EHBP1: variants seen among roughly 807,000 people sequenced by gnomAD.
EHBP1 encodes the protein EH domain binding protein 1.
EHBP1 carries 55 observed loss-of-function variants against 144.0 expected under a neutral mutation model. The observed-to-expected ratio is 0.38, with a 90% CI of 0.31 to 0.48. The LOEUF (loss-of-function observed/expected upper bound fraction) is 0.48. EHBP1 is among the 20% of genes least tolerant of loss of function. The pLI, the probability that EHBP1 is intolerant of heterozygous loss-of-function variation, is 0.98. For synonymous variants in EHBP1, 469 were observed against 472.7 expected, an observed-to-expected ratio of 0.99 and a Z score of 0.10; for missense variants, 1,200 against 1,364.2, an observed-to-expected ratio of 0.88 and a Z score of 1.90.
chr2:62,811,152 T>C (rs2044969502), intron 5 of EHBP1, among the ~76,000 whole-genome samples: 2 of 152,336 alleles, frequency 1.3e-5, no homozygotes, highest in Admixed American at 1.3e-4. Context: ...CAATTTTTAA[T>C]GTTGATTCTT....
At chr2:62,697,926 C>G (rs2034156942) in intron 1 of EHBP1, among the ~76,000 whole-genome samples, 1 of 152,198 alleles carries the variant, frequency 6.6e-6, no homozygotes, top group African/African-American at 2.4e-5. Context: ...ATGTTGAAGA[C>G]CAGGTCCCAT....
chr2:62,729,254 A>G (rs1248923609), intron 2 of EHBP1, among the ~76,000 whole-genome samples: 1 of 140,984 alleles, frequency 7.1e-6, no homozygotes, highest in East Asian at 2.0e-4. Flanking sequence ...AGTTTATCCA[A>G]CTATTCTCTT....
intron 5 of EHBP1, among the ~76,000 whole-genome samples, chr2:62,813,782 C>T (rs2045237991): frequency 6.6e-6 from 1 of 152,196 alleles, no homozygotes; most frequent in South Asian, 2.1e-4. Flanking sequence ...TCTCTGGGAA[C>T]TAGTTACTCC....
intron 10 of EHBP1, among the ~76,000 whole-genome samples, chr2:62,940,733 G>T (rs2056706487): frequency 6.6e-6 from 1 of 151,804 alleles, no homozygotes; most frequent in South Asian, 2.1e-4. Flanking sequence ...TTTCATCAAA[G>T]TTTCTTCAAT....
At chr2:62,943,040 G>A (rs1372268252) in intron 11 of EHBP1, 144 bp downstream of exon 11, 3 of 649,844 alleles carry the variant, frequency 4.6e-6, no homozygotes, top group Non-Finnish European at 7.5e-6. Context: ...ATATATGTCA[G>A]AAAGCTTTTC....
At chr2:62,925,882 T>C (rs2055466215) in intron 10 of EHBP1, among the ~76,000 whole-genome samples, 1 of 152,044 alleles carries the variant, frequency 6.6e-6, no homozygotes, top group Non-Finnish European at 1.5e-5. Context: ...ATTACATTCT[T>C]CACAGAAATA....
chr2:62,936,557 A>G (rs1466792365), intron 10 of EHBP1, among the ~76,000 whole-genome samples: 1 of 152,052 alleles, frequency 6.6e-6, no homozygotes, highest in African/African-American at 2.4e-5. Flanking sequence ...GTGCAACTCT[A>G]CCTCTCAACT....
At chr2:62,897,323 A>G (rs1363463473) in intron 10 of EHBP1, among the ~76,000 whole-genome samples, 5 of 152,204 alleles carry the variant, frequency 3.3e-5, no homozygotes, top group Admixed American at 3.3e-4. Context: ...CTATTCCAGT[A>G]TGTGGATGTA....
chr2:62,702,574 G>T (rs1170646304), upstream of EHBP1, among the ~76,000 whole-genome samples: 1 of 152,122 alleles, frequency 6.6e-6, no homozygotes, highest in Non-Finnish European at 1.5e-5. Flanking sequence ...GAGGATAAGT[G>T]CATTCTTAGT....
At chr2:62,862,498 T>C (rs1261459387) in intron 8 of EHBP1, among the ~76,000 whole-genome samples, 5 of 152,022 alleles carry the variant, frequency 3.3e-5, no homozygotes, top group Admixed American at 6.6e-5. Context: ...TAATCCCAGC[T>C]CCTCAGGAGG....
At chr2:62,864,201 GT>G (rs1343141380) in intron 8 of EHBP1, among the ~76,000 whole-genome samples, 1 of 152,084 alleles carries the variant, frequency 6.6e-6, no homozygotes, top group Non-Finnish European at 1.5e-5. Context: ...CTGGAGTGCA[GT>G]GGTACAATCA....
intron 7 of EHBP1, among the ~76,000 whole-genome samples, chr2:62,851,274 A>G (rs1404589132): frequency 6.6e-6 from 1 of 152,192 alleles, no homozygotes; most frequent in African/African-American, 2.4e-5. Flanking sequence ...CCTTCATGAT[A>G]GGACAGCTGC....
rs1192732347 is a variant in EHBP1, at chr2:62,948,864, A to T, written c.2018A>T (p.Asp673Val). 4.3e-6 allele frequency: 7 copies of T among 1,614,118 alleles called. No homozygotes were observed. In the South Asian group the frequency reaches 6.6e-5, roughly 15 times the overall value. The part of the protein sequence containing the change: ...SDLYVSDKKK[D>V]MSPPFICEET... The stretch of plus-strand genomic sequence containing the variant: ...TTATATGTTAGTGATAAGAAGAAGG[A>T]TATGTCTCCACCCTTTATTTGTGAG... Residue 673 changes from aspartate to valine, a missense_variant, in exon 13 of 23, where the codon GAT becomes GTT. Asp to Val is a radical substitution (Grantham distance 152). Around this residue, in one of 6 missense-constraint regions of EHBP1, gnomAD observed 543 missense variants for 513.1 expected, o/e 1.06. Transcript: ENST00000431489.
intron 5 of EHBP1, among the ~76,000 whole-genome samples, chr2:62,773,882 A>G (rs1353126335): frequency 1.2e-4 from 18 of 146,208 alleles, no homozygotes; most frequent in Non-Finnish European, 2.4e-4. Context: ...AAAAAAAAAA[A>G]AAAGAGAGAG....
At chr2:62,945,397 A>T (rs935126507) in intron 12 of EHBP1, among the ~76,000 whole-genome samples, 4 of 152,252 alleles carry the variant, frequency 2.6e-5, no homozygotes, top group Non-Finnish European at 4.4e-5. Context: ...AGTTTTTAAC[A>T]TACTTTAAAT....
intron 6 of EHBP1, among the ~76,000 whole-genome samples, chr2:62,830,355 C>T (rs1186166017): frequency 6.6e-6 from 1 of 151,970 alleles, no homozygotes; most frequent in African/African-American, 2.4e-5. Flanking sequence ...AGGCTGGTCT[C>T]GAACTCCTGA....
At chr2:62,873,902 C>G (rs1200376541) in intron 9 of EHBP1, among the ~76,000 whole-genome samples, 1 of 152,108 alleles carries the variant, frequency 6.6e-6, no homozygotes, top group Non-Finnish European at 1.5e-5. Context: ...GCTGAATGAA[C>G]TGCTAAAACA....
chr2:62,764,180 T>C (rs1448607276), intron 3 of EHBP1, 86 bp from the exon 4 acceptor site: 1 of 941,740 alleles, frequency 1.1e-6, no homozygotes, highest in African/African-American at 1.7e-5. Flanking sequence ...CTGTACTTCA[T>C]ATTGAAGGTA....
At chr2:62,994,069 G>GT in intron 18 of EHBP1, 92 bp downstream of exon 18, 1 of 864,770 alleles carries the variant, frequency 1.2e-6, no homozygotes, top group South Asian at 2.1e-5. Flanking sequence ...GAGATGTTAG[G>GT]TTTTTTAAGA....
Sources: allele counts gnomAD v4.1 joint callset (sites outside exome capture counted in the v4.1 genomes callset), GRCh38; gene constraint gnomAD v4.1.1; regional missense constraint gnomAD v4.1.1; transcripts MANE v1.5; gene names NCBI Gene and HGNC (gene_info 2026-07-23, HGNC 2026-07-21).